UNC5D: variants seen among roughly 807,000 people sequenced by gnomAD.
UNC5D encodes the protein unc-5 netrin receptor D.
A neutral mutation model predicts 105.4 loss-of-function variants in UNC5D; 39 were observed. The observed-to-expected ratio is 0.37, with a 90% CI of 0.29 to 0.48. The LOEUF is 0.48. UNC5D is among the 20% of genes least tolerant of loss of function. UNC5D has a pLI of 0.98. For missense variants in UNC5D, 991 were observed against 1,202.4 expected (o/e 0.82, Z 2.60); for synonymous variants, 452 against 450.4 (o/e 1.00, Z -0.04).
intron 1 of UNC5D, among the ~76,000 whole-genome samples, chr8:35,428,872 A>G (rs1806433150): frequency 6.6e-6 from 1 of 152,040 alleles, no homozygotes. Flanking sequence ...TATTTGTGAA[A>G]GGCTTTATTG....
At chr8:35,507,387 C>T (rs924780515) in intron 1 of UNC5D, among the ~76,000 whole-genome samples, 3 of 152,038 alleles carry the variant, frequency 2.0e-5, no homozygotes, top group Non-Finnish European at 4.4e-5. Context: ...CTACACAGAC[C>T]CACGATATGG....
At chr8:35,316,179 G>A (rs9649890) in intron 1 of UNC5D, among the ~76,000 whole-genome samples, 6,303 of 152,226 alleles carry the variant, frequency 0.041, 142 homozygotes, top group Middle Eastern at 0.058. Context: ...AAGGAAATAC[G>A]TGGAAAAGCA....
intron 11 of UNC5D, among the ~76,000 whole-genome samples, chr8:35,746,928 C>T (rs55666865): frequency 0.074 from 11,228 of 152,022 alleles, 1,106 homozygotes; most frequent in African/African-American, 0.23. Flanking sequence ...TGGTTTTTTT[C>T]CCCAAACCTT....
At chr8:35,260,999 A>G (rs1804452970) in intron 1 of UNC5D, among the ~76,000 whole-genome samples, 1 of 152,186 alleles carries the variant, frequency 6.6e-6, no homozygotes, top group African/African-American at 2.4e-5. Context: ...ACTCAGAGGT[A>G]TCATAATTTC....
At chr8:35,442,951 C>A (rs1426259088) in intron 1 of UNC5D, among the ~76,000 whole-genome samples, 1 of 150,474 alleles carries the variant, frequency 6.6e-6, no homozygotes, top group Non-Finnish European at 1.5e-5. Context: ...ACACACACCA[C>A]TGTGCTTAAG....
chr8:35,584,574 C>G (rs1274291368), intron 3 of UNC5D, among the ~76,000 whole-genome samples: 1 of 151,638 alleles, frequency 6.6e-6, no homozygotes, highest in Admixed American at 6.6e-5. Context: ...GCCCCCAAGC[C>G]TATTTTGTTG....
At chr8:35,286,743 C>T (rs530150070) in intron 1 of UNC5D, among the ~76,000 whole-genome samples, 2 of 152,194 alleles carry the variant, frequency 1.3e-5, no homozygotes, top group African/African-American at 2.4e-5. Context: ...CTACTCTACC[C>T]TAGACCAGTA....
At chr8:35,239,661 C>A (rs775187520) in intron 1 of UNC5D, among the ~76,000 whole-genome samples, 7 of 151,906 alleles carry the variant, frequency 4.6e-5, no homozygotes, top group Non-Finnish European at 1.0e-4. Flanking sequence ...CCAGATGTGC[C>A]CTCCTTCTTG....
At chr8:35,414,075 A>G (rs555455838) in intron 1 of UNC5D, among the ~76,000 whole-genome samples, 53 of 152,144 alleles carry the variant, frequency 3.5e-4, no homozygotes, top group African/African-American at 1.3e-3. Flanking sequence ...AGGTTGTTTG[A>G]AAGTGCTGCT....
chr8:35,782,995 T>C lies in UNC5D; in HGVS notation c.2658-7364T>C, dbSNP rs78118613. Reference sequence around the variant, plus strand: ...ACCAAAAATAATTTTTTAAAAAAATTAGCCGGGCATGGTGATGCTCACCTG... The same window carrying C: ...ACCAAAAATAATTTTTTAAAAAAATCAGCCGGGCATGGTGATGCTCACCTG... On this transcript the variant is annotated intron_variant, in intron 16 of 16. Transcript: ENST00000404895. Among the ~76,000 whole-genome samples the C allele has an allele frequency of 5.0e-4, 76 of 151,984 alleles. 1 individual carries two copies. The East Asian group carries it at 0.014, about 28-fold the overall frequency.
chr8:35,783,533 C>T (rs557356562), intron 16 of UNC5D, among the ~76,000 whole-genome samples: 5 of 151,808 alleles, frequency 3.3e-5, no homozygotes, highest in African/African-American at 9.7e-5. Flanking sequence ...CTGAGCTGGG[C>T]GGACTCCAGC....
chr8:35,507,171 T>A (rs1812371542), intron 1 of UNC5D, among the ~76,000 whole-genome samples: 1 of 145,800 alleles, frequency 6.9e-6, no homozygotes, highest in Admixed American at 7.0e-5. Context: ...TTCTCCTGCC[T>A]CAGCCTCCCA....
intron 8 of UNC5D, among the ~76,000 whole-genome samples, chr8:35,714,122 T>C (rs1005635374): frequency 1.3e-5 from 2 of 152,152 alleles, no homozygotes; most frequent in African/African-American, 4.8e-5. Context: ...CCTTTTGAAA[T>C]TGAGATGAGA....
chr8:35,525,816 C>T (rs1381906818), intron 1 of UNC5D: 2 of 1,444,088 alleles, frequency 1.4e-6, no homozygotes, highest in African/African-American at 1.4e-5. Flanking sequence ...TTTAATTATA[C>T]AGAAAAGCAA....
intron 1 of UNC5D, among the ~76,000 whole-genome samples, chr8:35,433,507 AAAT>A (rs1390245553): frequency 1.3e-5 from 2 of 152,198 alleles, no homozygotes; most frequent in African/African-American, 4.8e-5. Context: ...CCTTCAAAAA[AAAT>A]AATAAAAATT....
chr8:35,429,743 C>A (rs1479340120), intron 1 of UNC5D, among the ~76,000 whole-genome samples: 1 of 152,094 alleles, frequency 6.6e-6, no homozygotes, highest in Non-Finnish European at 1.5e-5. Flanking sequence ...ACATGTCCAT[C>A]ACCTCTAAAA....
chr8:35,577,539 G>A (rs1041826972), intron 3 of UNC5D, among the ~76,000 whole-genome samples: 15 of 152,186 alleles, frequency 9.9e-5, no homozygotes, highest in Admixed American at 2.0e-4. Context: ...CATGAAATAC[G>A]AATCCATGAA....
At chr8:35,635,013 G>A (rs1015458360) in intron 4 of UNC5D, among the ~76,000 whole-genome samples, 4 of 152,014 alleles carry the variant, frequency 2.6e-5, no homozygotes, top group Non-Finnish European at 5.9e-5. Context: ...CGATCCACCC[G>A]CCTTGGCCTC....
At chr8:35,247,518 C>CTA (rs1442299825) in intron 1 of UNC5D, among the ~76,000 whole-genome samples, 9 of 124,660 alleles carry the variant, frequency 7.2e-5, no homozygotes, top group East Asian at 4.3e-4. Flanking sequence ...ACTTCTCTCT[C>CTA]TCTCTATATA....
Sources: allele counts gnomAD v4.1 joint callset (sites outside exome capture counted in the v4.1 genomes callset), GRCh38; gene constraint gnomAD v4.1.1; transcripts MANE v1.5; gene names NCBI Gene and HGNC (gene_info 2026-07-23, HGNC 2026-07-21).